The following ADAMTS20 variants were observed in gnomAD, a reference collection of about 807,000 sequenced individuals.
ADAMTS20 encodes the protein A disintegrin and metalloproteinase with thrombospondin motifs 20.
In ADAMTS20, 225 loss-of-function variants were observed where a neutral mutation model predicts 260.1. The observed-to-expected ratio is 0.87, with a 90% CI of 0.78 to 0.97. ADAMTS20 has a LOEUF of 0.97. ADAMTS20 is among the 50% of genes least tolerant of loss of function. ADAMTS20 has a pLI of 0.00. For missense variants in ADAMTS20, 2,400 were observed against 2,337.7 expected, an observed-to-expected ratio of 1.03 and a Z score of -0.55; for synonymous variants, 802 against 769.5, an observed-to-expected ratio of 1.04 and a Z score of -0.70.
chr12:43,532,604 G>A (rs1436803266), intron 2 of ADAMTS20, among the ~76,000 whole-genome samples: 5 of 121,982 alleles, frequency 4.1e-5, no homozygotes, highest in African/African-American at 1.2e-4. Context: ...TGCACATTGT[G>A]CAGGTTAGTT....
intron 38 of ADAMTS20, among the ~76,000 whole-genome samples, chr12:43,354,894 T>A (rs948911637): frequency 1.3e-5 from 2 of 152,218 alleles, no homozygotes; most frequent in East Asian, 3.9e-4. Context: ...AAATGGGAGA[T>A]TGTTCCATAA....
At chr12:43,444,402 G>C (rs1029444583) in intron 15 of ADAMTS20, among the ~76,000 whole-genome samples, 4 of 151,880 alleles carry the variant, frequency 2.6e-5, no homozygotes, top group African/African-American at 9.7e-5. Flanking sequence ...TAAAGCTCAA[G>C]TTTTAGTTTG....
intron 2 of ADAMTS20, among the ~76,000 whole-genome samples, chr12:43,548,185 T>C (rs1393501433): frequency 6.6e-6 from 1 of 152,070 alleles, no homozygotes; most frequent in South Asian, 2.1e-4. Flanking sequence ...AAAACTAAAG[T>C]AAAGCAAAAA....
At chr12:43,540,862 G>T (rs1943367687) in intron 2 of ADAMTS20, among the ~76,000 whole-genome samples, 1 of 152,128 alleles carries the variant, frequency 6.6e-6, no homozygotes, top group South Asian at 2.1e-4. Flanking sequence ...GTTTTGAAAG[G>T]CAGTTAAGTG....
chr12:43,492,470 G>T (rs895327727), intron 6 of ADAMTS20, 35 bp downstream of exon 6: 1 of 1,607,062 alleles, frequency 6.2e-7, no homozygotes, highest in Non-Finnish European at 8.5e-7. Flanking sequence ...GAAGAGTAAA[G>T]GATTGTATGG....
Position 43,383,812 on chromosome 12 carries a change from T to A in ADAMTS20, c.4618A>T (p.Arg1540Trp). 1 of 1,613,684 alleles carries A rather than the reference T, an allele frequency of 6.2e-7. No individual in the cohort carries two copies. The highest frequency in any genetic ancestry group is 8.5e-7 in the Non-Finnish European group (1 of 1,179,706). The change falls in exon 30 of 39, where the codon AGG becomes TGG. Residue 1540 changes from arginine to tryptophan, a missense_variant. Coordinates refer to ENST00000389420, the MANE Select transcript of ADAMTS20 (RefSeq NM_025003.5). Reference sequence around the variant, plus strand: ...TACATGTCGATACTCACATTCAGCCTCCCTCTTTCCATCCCCTTGTGCTGC... The same window carrying A: ...TACATGTCGATACTCACATTCAGCCACCCTCTTTCCATCCCCTTGTGCTGC... ...CVQHKGMERG[R>W]LNCSTSCERK...
intron 3 of ADAMTS20, among the ~76,000 whole-genome samples, chr12:43,530,078 A>T (rs1943199724): frequency 6.6e-6 from 1 of 152,098 alleles, no homozygotes; most frequent in Admixed American, 6.6e-5. Context: ...TTGTAGAAAA[A>T]ATGTATTTTA....
chr12:43,472,201 G>A (rs1487147462), intron 7 of ADAMTS20, among the ~76,000 whole-genome samples: 1 of 149,062 alleles, frequency 6.7e-6, no homozygotes, highest in Non-Finnish European at 1.5e-5. Context: ...AGAAGCCTCA[G>A]GAGCCGATGC....
At chr12:43,454,830 A>AT (rs1363914514) in intron 11 of ADAMTS20, among the ~76,000 whole-genome samples, 1 of 152,192 alleles carries the variant, frequency 6.6e-6, no homozygotes, top group Non-Finnish European at 1.5e-5. Flanking sequence ...TTTTTGTAAG[A>AT]TTTTTACAGA....
chr12:43,417,203 T>G (rs1044282810), intron 28 of ADAMTS20, among the ~76,000 whole-genome samples: 1 of 152,154 alleles, frequency 6.6e-6, no homozygotes, highest in Non-Finnish European at 1.5e-5. Context: ...CCTTCATAAC[T>G]ACTTCTAAGA....
intron 3 of ADAMTS20, among the ~76,000 whole-genome samples, chr12:43,526,470 G>A (rs1943145228): frequency 6.6e-6 from 1 of 151,934 alleles, no homozygotes; most frequent in Non-Finnish European, 1.5e-5. Flanking sequence ...AAAAAAAATA[G>A]GAATCATATC....
intron 12 of ADAMTS20, among the ~76,000 whole-genome samples, chr12:43,453,453 G>A (rs976870924): frequency 9.9e-5 from 15 of 151,974 alleles, no homozygotes; most frequent in African/African-American, 3.1e-4. Flanking sequence ...ACAATGATGC[G>A]TCTATAACAC....
chr12:43,519,482 G>A (rs543396248), intron 3 of ADAMTS20, among the ~76,000 whole-genome samples: 1 of 152,092 alleles, frequency 6.6e-6, no homozygotes, highest in East Asian at 1.9e-4. Flanking sequence ...ACCCATGCTG[G>A]GGCAAGGTTG....
At chr12:43,360,329 AT>A (rs1418933112) in intron 37 of ADAMTS20, among the ~76,000 whole-genome samples, 1 of 152,086 alleles carries the variant, frequency 6.6e-6, no homozygotes, top group East Asian at 1.9e-4. Flanking sequence ...GTCGCCTGTA[AT>A]CCTAGCCACT....
Position 43,399,229 on chromosome 12 carries a change from G to A in ADAMTS20, c.4289C>T (p.Ser1430Leu). ...SWHQEPWTSCSASCGKGRKYR... is the reference protein window; with the variant it reads ...SWHQEPWTSCLASCGKGRKYR... ...CTTTCTACCTTTACCACAAGAAGCT[G>A]AGCACTAGAAAAGAAATATGAATGC... The change falls in exon 29 of 39, where the codon TCA becomes TTA. Residue 1430 changes from serine (S) to leucine (L), a missense_variant. Ser to Leu is a moderately radical substitution (Grantham distance 145). Transcript: ENST00000389420. 6.6e-7 allele frequency: 1 copy of A among 1,516,758 alleles called. No individual in the cohort carries two copies. The highest frequency in any genetic ancestry group is 8.8e-7 in the Non-Finnish European group (1 of 1,133,928). The allele number at this position is 1,516,758 out of a possible 1,614,324, so 94.0% of individuals were successfully genotyped here.
chr12:43,551,195 G>C lies in ADAMTS20; in HGVS notation c.167C>G (p.Pro56Arg). ...CTGCCGGCTGAAGTGGTGGCTCTGAGGGAACACTTCTCCAAACTCATTGAC... is the reference window on the plus strand; with the variant it reads ...CTGCCGGCTGAAGTGGTGGCTCTGACGGAACACTTCTCCAAACTCATTGAC... ...ERVNEFGEVF[P>R]QSHHFSRQKR... Residue 56 changes from proline to arginine, a missense_variant, in exon 2 of 39, where the codon CCT becomes CGT. Coordinates refer to ENST00000389420, the MANE Select transcript of ADAMTS20 (RefSeq NM_025003.5). The surrounding 1 kb of genome is among the most constrained non-coding windows in gnomAD (Gnocchi z 4.6). The C allele has an allele frequency of 6.2e-7, 1 of 1,613,906 alleles. No homozygotes were observed. The highest frequency in any genetic ancestry group is 8.5e-7 in the Non-Finnish European group (1 of 1,179,878).
At position 43,505,414 on chromosome 12, in the gene ADAMTS20, T is replaced by TA. The variant is rs563856147; in HGVS notation, c.614-3010dup. 6.3e-4 allele frequency among the ~76,000 whole-genome samples: 96 copies of TA among 152,116 alleles called. 2 individuals carry two copies. In the South Asian group the frequency reaches 0.02, roughly 31 times the overall value. ...TGATAAGGAATTAATATCTAGAATA[T>TA]AAAAAAATTCCTGCAACTCAACAAC... On this transcript the variant is annotated intron_variant, in intron 3 of 38. Coordinates refer to ENST00000389420, the MANE Select transcript of ADAMTS20 (RefSeq NM_025003.5).
rs1943525784 is a variant in ADAMTS20, at chr12:43,552,011, C to G, written c.-90G>C. On this transcript the variant is annotated 5_prime_UTR_variant, in exon 1 of 39. Transcript: ENST00000389420. ...CCTCGCGCTCCGATCCCTCTCCTCC[C>G]TCTCGCCCGCCGCTCTCCGCGCCTC... 4.6e-6 allele frequency: 5 copies of G among 1,082,786 alleles called. No individual in the cohort carries two copies. Among genetic ancestry groups the G allele is most frequent in the Admixed American group, 1.9e-5 (1 of 51,674 alleles). 67.1% of individuals were successfully genotyped at this position (1,082,786 alleles called of 1,614,324 possible).
chr12:43,388,013 C>T (rs1282954307), intron 29 of ADAMTS20, among the ~76,000 whole-genome samples: 4 of 152,052 alleles, frequency 2.6e-5, no homozygotes, highest in Admixed American at 2.6e-4. Flanking sequence ...TGTCTGGCTT[C>T]AGCCCCCTTT....
Sources: allele counts gnomAD v4.1 joint callset (sites outside exome capture counted in the v4.1 genomes callset), GRCh38; gene constraint gnomAD v4.1.1; non-coding constraint Gnocchi (gnomAD v3.1); transcripts MANE v1.5; gene names NCBI Gene and HGNC (gene_info 2026-07-23, HGNC 2026-07-21).